The following ZFAND3 variants were observed in gnomAD, a reference collection of about 807,000 sequenced individuals.
The protein encoded by ZFAND3 is AN1-type zinc finger protein 3.
Under a neutral mutation model 29.6 loss-of-function variants are expected in ZFAND3, and 10 were observed. The ratio of observed to expected loss-of-function variants is 0.34; its 90% CI spans 0.21 to 0.57. The LOEUF is 0.57. Ranked by LOEUF, ZFAND3 falls within the 20% of genes least tolerant of loss-of-function variation. ZFAND3 has a pLI of 0.86. For synonymous variants in ZFAND3, 128 were observed against 112.6 expected (o/e 1.14, Z -0.87); for missense variants, 230 against 304.5 (o/e 0.76, Z 1.82).
At chr6:37,963,185 C>T (rs558699510) in intron 2 of ZFAND3, among the ~76,000 whole-genome samples, 10 of 152,264 alleles carry the variant, frequency 6.6e-5, no homozygotes, top group East Asian at 3.9e-4. Context: ...GAACCAATTC[C>T]GGACACATGT....
intron 2 of ZFAND3, among the ~76,000 whole-genome samples, chr6:38,008,526 C>G (rs1048697225): frequency 4.6e-5 from 7 of 152,142 alleles, no homozygotes; most frequent in African/African-American, 1.7e-4. Flanking sequence ...CCCCTTCTCT[C>G]CCAGCAGTTT....
intron 5 of ZFAND3, among the ~76,000 whole-genome samples, chr6:38,125,760 CTTTTA>C (rs1345850077): frequency 6.6e-6 from 1 of 151,934 alleles, no homozygotes; most frequent in African/African-American, 2.4e-5. Context: ...TTATTAGTGT[CTTTTA>C]TTTTAGTTCC....
intron 4 of ZFAND3, among the ~76,000 whole-genome samples, chr6:38,093,160 CA>C (rs1209426736): frequency 2.0e-5 from 3 of 152,024 alleles, no homozygotes; most frequent in Non-Finnish European, 4.4e-5. Context: ...CTTGACTTGC[CA>C]AAAAAACCAG....
At chr6:37,851,257 G>T (rs1764275053) in intron 1 of ZFAND3, among the ~76,000 whole-genome samples, 1 of 151,728 alleles carries the variant, frequency 6.6e-6, no homozygotes, top group Admixed American at 6.6e-5. Context: ...TACGTGCTGG[G>T]ATTACAGGTG....
intron 1 of ZFAND3, among the ~76,000 whole-genome samples, chr6:37,836,415 G>T (rs1397974104): frequency 1.3e-5 from 2 of 152,180 alleles, no homozygotes; most frequent in Admixed American, 6.6e-5. Flanking sequence ...ACTGAGATAG[G>T]AGGTAAATCA....
chr6:37,928,817 CAG>C (rs1422882365), intron 1 of ZFAND3, among the ~76,000 whole-genome samples: 1 of 152,156 alleles, frequency 6.6e-6, no homozygotes, highest in African/African-American at 2.4e-5. Context: ...CGTGCCTGGC[CAG>C]AAAAGTCATT....
chr6:38,078,434 A>T (rs1055218104), intron 3 of ZFAND3, among the ~76,000 whole-genome samples: 6 of 152,220 alleles, frequency 3.9e-5, no homozygotes, highest in Admixed American at 3.9e-4. Flanking sequence ...TCTGTTAATA[A>T]ATATCTCCGG....
At chr6:37,920,283 AT>A (rs1464399641) in intron 1 of ZFAND3, among the ~76,000 whole-genome samples, 8 of 151,468 alleles carry the variant, frequency 5.3e-5, no homozygotes, top group Non-Finnish European at 1.2e-4. Context: ...ATGTGGAAAA[AT>A]TATTTGGCAT....
intron 2 of ZFAND3, among the ~76,000 whole-genome samples, chr6:37,988,919 T>A (rs1762713912): frequency 6.6e-6 from 1 of 152,162 alleles, no homozygotes. Context: ...AATTTTTTTT[T>A]TTTGAGACAG....
chr6:38,076,193 A>G (rs892278605), intron 3 of ZFAND3, among the ~76,000 whole-genome samples: 1 of 133,174 alleles, frequency 7.5e-6, no homozygotes, highest in East Asian at 2.7e-4. Flanking sequence ...TCAGATGATC[A>G]TTAGCATTTT....
chr6:38,062,495 G>C (rs765620711), intron 3 of ZFAND3: 3 of 151,754 alleles, frequency 2.0e-5, no homozygotes, highest in African/African-American at 7.3e-5. Context: ...TGATTCTCCT[G>C]CCTCAGCCTC....
chr6:37,942,151 G>GT (rs1396363338), intron 2 of ZFAND3, among the ~76,000 whole-genome samples: 4 of 152,098 alleles, frequency 2.6e-5, no homozygotes, highest in Admixed American at 2.0e-4. Flanking sequence ...CTGAGTAAGA[G>GT]TATGTTTTAA....
intron 1 of ZFAND3, among the ~76,000 whole-genome samples, chr6:37,823,007 C>T (rs1242368136): frequency 6.6e-6 from 1 of 152,050 alleles, no homozygotes; most frequent in Non-Finnish European, 1.5e-5. Flanking sequence ...GGACTTTTAT[C>T]CTGAGTGCAG....
At chr6:37,958,736 C>G (rs771065914) in intron 2 of ZFAND3, among the ~76,000 whole-genome samples, 10 of 151,496 alleles carry the variant, frequency 6.6e-5, no homozygotes, top group Non-Finnish European at 1.3e-4. Context: ...TCAGGACCGC[C>G]CCCCCCTTCC....
At chr6:37,977,873 C>CTTCCTTCCT (rs1581807713) in intron 2 of ZFAND3, among the ~76,000 whole-genome samples, 2 of 31,872 alleles carry the variant, frequency 6.3e-5, no homozygotes, top group East Asian at 1.0e-3. Context: ...CCTTCCTTTC[C>CTTCCTTCCT]TTCTTCCTTC....
chr6:38,030,539 A>G (rs550887366), intron 2 of ZFAND3, among the ~76,000 whole-genome samples: 29 of 152,298 alleles, frequency 1.9e-4, no homozygotes, highest in Non-Finnish European at 3.4e-4. Flanking sequence ...TTCAGAGAAA[A>G]GGACACATTT....
intron 2 of ZFAND3, among the ~76,000 whole-genome samples, chr6:38,050,583 C>T (rs1488244043): frequency 6.6e-6 from 1 of 152,138 alleles, no homozygotes; most frequent in Non-Finnish European, 1.5e-5. Context: ...CTCCTGCCAC[C>T]TTGTGTAGAA....
chr6:38,037,127 A>C (rs563572433), intron 2 of ZFAND3, among the ~76,000 whole-genome samples: 1 of 152,358 alleles, frequency 6.6e-6, no homozygotes, highest in South Asian at 2.1e-4. Flanking sequence ...TGAGCTACTC[A>C]ATCTTTTAGT....
At chr6:38,009,350 C>T (rs1763106397) in intron 2 of ZFAND3, among the ~76,000 whole-genome samples, 1 of 152,112 alleles carries the variant, frequency 6.6e-6, no homozygotes, top group African/African-American at 2.4e-5. Flanking sequence ...ACATCTTGTA[C>T]TTCTGGTGGT....
Sources: allele counts gnomAD v4.1 joint callset (sites outside exome capture counted in the v4.1 genomes callset), GRCh38; gene constraint gnomAD v4.1.1; transcripts MANE v1.5; gene names NCBI Gene and HGNC (gene_info 2026-07-23, HGNC 2026-07-21).